Variants in RAD54L2 observed in about 807,000 individuals in gnomAD.
RAD54L2 encodes the protein helicase ARIP4.
In RAD54L2, 27 loss-of-function variants were observed where a neutral mutation model predicts 138.4. The ratio of observed to expected loss-of-function variants is 0.20; its 90% CI spans 0.14 to 0.27. RAD54L2 has a LOEUF of 0.27. Ranked by LOEUF, RAD54L2 falls within the 10% of genes least tolerant of loss-of-function variation. RAD54L2 has a pLI of 1.00. For missense variants in RAD54L2, 1,396 were observed against 1,890.2 expected (o/e 0.74, Z 4.85); for synonymous variants, 644 against 723.2 (o/e 0.89, Z 1.76).
chr3:51,644,467 G>C (rs1410088400), intron 16 of RAD54L2, among the ~76,000 whole-genome samples: 1 of 152,048 alleles, frequency 6.6e-6, no homozygotes, highest in Non-Finnish European at 1.5e-5. Context: ...ACAAACAAAT[G>C]AACAACAACA....
chr3:51,638,423 T>G lies in RAD54L2; in HGVS notation c.1860+102T>G. On this transcript the variant is annotated intron_variant, in intron 12 of 22. Transcript: ENST00000684192. The surrounding 1 kb of genome is among the most constrained non-coding windows in gnomAD (Gnocchi z 4.3). ...AGTCTTCAATAAAGGGAGAATAAAG[T>G]GAGAGGGGGCCACCTCAGTTCACTG... 2.1e-6 allele frequency: 3 copies of G among 1,401,064 alleles called. No individual in the cohort carries two copies. The highest frequency in any genetic ancestry group is 2.9e-6 in the Non-Finnish European group (3 of 1,018,846). 86.8% of individuals were successfully genotyped at this position (1,401,064 alleles called of 1,614,324 possible).
chr3:51,561,930 G>A (rs188087339), intron 2 of RAD54L2, among the ~76,000 whole-genome samples: 24 of 151,778 alleles, frequency 1.6e-4, no homozygotes, highest in Admixed American at 7.2e-4. Context: ...GTGCAGTGGC[G>A]CAATTGTGGC....
intron 3 of RAD54L2, among the ~76,000 whole-genome samples, chr3:51,597,131 C>T (rs1699977374): frequency 1.4e-5 from 2 of 144,750 alleles, no homozygotes; most frequent in South Asian, 4.4e-4. Flanking sequence ...CGCTATTGCA[C>T]TCCAGCCTGG....
chr3:51,626,436 CTTTTTT>C (rs768354274), intron 3 of RAD54L2, among the ~76,000 whole-genome samples: 25 of 39,392 alleles, frequency 6.3e-4, no homozygotes, highest in Admixed American at 1.5e-3. Context: ...CCCCAACGAT[CTTTTTT>C]TTTTTTTTTT....
At position 51,656,059 on chromosome 3, in the gene RAD54L2, C is replaced by T; in HGVS notation, c.3115C>T (p.Pro1039Ser). The change falls in exon 20 of 23, where the codon CCA becomes TCA. Residue 1039 changes from proline (P) to serine (S), a missense_variant. This residue lies in a region of RAD54L2 where 634 missense variants were observed against 711.2 expected (regional missense o/e 0.89). Transcript: ENST00000684192. ...TPIPMMPRHVPLGGSVSSASS... is the reference protein window; with the variant it reads ...TPIPMMPRHVSLGGSVSSASS... ...CATCCCCATGATGCCCCGGCATGTCCCATTGGGAGGAAGTGTAAGCTCTGC... is the reference window on the plus strand; with the variant it reads ...CATCCCCATGATGCCCCGGCATGTCTCATTGGGAGGAAGTGTAAGCTCTGC... 1 of 1,613,960 alleles carries T rather than the reference C, an allele frequency of 6.2e-7. No individual in the cohort carries two copies. The highest frequency in any genetic ancestry group is 8.5e-7 in the Non-Finnish European group (1 of 1,179,834).
Position 51,662,352 on chromosome 3 carries a change from A to G in RAD54L2, c.3410-74A>G. On this transcript the variant is annotated intron_variant, in intron 22 of 22. Transcript: ENST00000684192. The surrounding 1 kb of genome is among the most constrained non-coding windows in gnomAD (Gnocchi z 4.6). Reference sequence around the variant, plus strand: ...GGGACTACAGGACAGGATTTTTTTTAATGGAGTTTTCTCCTCTACCCTTCT... The same window carrying G: ...GGGACTACAGGACAGGATTTTTTTTGATGGAGTTTTCTCCTCTACCCTTCT... 7.4e-7 allele frequency: 1 copy of G among 1,355,612 alleles called. No individual in the cohort carries two copies. The highest frequency in any genetic ancestry group is 9.9e-7 in the Non-Finnish European group (1 of 1,013,434). 84.0% of individuals were successfully genotyped at this position (1,355,612 alleles called of 1,614,324 possible). A position where few individuals can be genotyped will look rare whatever the true frequency, so the allele number is the denominator to read the frequency against.
intron 19 of RAD54L2, among the ~76,000 whole-genome samples, chr3:51,651,930 T>C (rs1701449007): frequency 6.6e-6 from 1 of 152,244 alleles, no homozygotes; most frequent in Non-Finnish European, 1.5e-5. Flanking sequence ...TTGGAAGTTC[T>C]GGCCAGGGCA....
At position 51,645,755 on chromosome 3, in the gene RAD54L2, A is replaced by G. The variant is rs1701263189; in HGVS notation, c.2821A>G (p.Ile941Val). The change falls in exon 18 of 23, where the codon ATC becomes GTC. Residue 941 changes from isoleucine (I) to valine (V), a missense_variant. By Grantham distance (29) the Ile-to-Val change is conservative. Around this residue, in one of 7 missense-constraint regions of RAD54L2, gnomAD observed 634 missense variants for 711.2 expected, o/e 0.89. Coordinates refer to ENST00000684192, the MANE Select transcript of RAD54L2 (RefSeq NM_015106.4). The surrounding 1 kb of genome is among the most constrained non-coding windows in gnomAD (Gnocchi z 6.1). ...GGCCTGTCTGAAGTACCCTCACCTC[A>G]TCACCAAGGTAAGAACTTGGTATGC... ...QLACLKYPHL[I>V]TKEPFEHESL... is the part of the protein sequence containing the mutation. The G allele has an allele frequency of 1.2e-6, 2 of 1,608,838 alleles. No homozygotes were observed. Among genetic ancestry groups the G allele is most frequent in the African/African-American group, 1.3e-5 (1 of 74,708 alleles).
At chr3:51,556,846 G>A (rs907216107) in intron 2 of RAD54L2, among the ~76,000 whole-genome samples, 2 of 152,166 alleles carry the variant, frequency 1.3e-5, no homozygotes, top group Non-Finnish European at 2.9e-5. Flanking sequence ...AAAGTGCTGG[G>A]ATTACAGGCG....
chr3:51,554,859 T>C (rs1218751503), intron 2 of RAD54L2, among the ~76,000 whole-genome samples: 4 of 152,280 alleles, frequency 2.6e-5, no homozygotes, highest in South Asian at 2.1e-4. Context: ...TTCTTTTTTT[T>C]TGAGACAAGG....
chr3:51,650,753 A>G (rs1013545877), intron 19 of RAD54L2, among the ~76,000 whole-genome samples: 1 of 152,272 alleles, frequency 6.6e-6, no homozygotes, highest in African/African-American at 2.4e-5. Flanking sequence ...ACAAAGACAC[A>G]ACGTACCAGA....
chr3:51,650,243 A>G (rs1410781067), intron 19 of RAD54L2, among the ~76,000 whole-genome samples: 1 of 152,244 alleles, frequency 6.6e-6, no homozygotes, highest in Non-Finnish European at 1.5e-5. Context: ...TAACTATGCT[A>G]AATATATATG....
chr3:51,640,937 C>T (rs1701117741), intron 14 of RAD54L2, among the ~76,000 whole-genome samples: 1 of 152,156 alleles, frequency 6.6e-6, no homozygotes, highest in Non-Finnish European at 1.5e-5. Flanking sequence ...TGACTCTGCT[C>T]CCATTATACG....
chr3:51,610,248 C>T (rs1335965539), intron 3 of RAD54L2, among the ~76,000 whole-genome samples: 4 of 152,084 alleles, frequency 2.6e-5, no homozygotes, highest in African/African-American at 4.8e-5. Context: ...GTCACAATCC[C>T]CCGAGGCTAC....
At chr3:51,584,253 G>A (rs532454776) in intron 2 of RAD54L2, among the ~76,000 whole-genome samples, 1 of 152,310 alleles carries the variant, frequency 6.6e-6, no homozygotes, top group Non-Finnish European at 1.5e-5. Flanking sequence ...CTCCTGTGGA[G>A]AGAGTTGTCT....
At chr3:51,660,952 C>T (rs1215135127) in intron 22 of RAD54L2, among the ~76,000 whole-genome samples, 3 of 149,036 alleles carry the variant, frequency 2.0e-5, no homozygotes, top group Admixed American at 2.0e-4. Context: ...TCGCAGACAT[C>T]CATTGCTCCT....
intron 3 of RAD54L2, among the ~76,000 whole-genome samples, chr3:51,620,137 G>T (rs527610244): frequency 4.9e-4 from 75 of 151,808 alleles, no homozygotes; most frequent in Admixed American, 1.7e-3. Context: ...CTGTTGCCCA[G>T]ACTAGAGTGT....
intron 2 of RAD54L2, among the ~76,000 whole-genome samples, chr3:51,578,549 A>T: frequency 6.6e-6 from 1 of 152,200 alleles, no homozygotes; most frequent in East Asian, 1.9e-4. Flanking sequence ...TTGAAGCAGG[A>T]TATTTCCTTG....
At chr3:51,551,913 C>T (rs929617648) in intron 2 of RAD54L2, among the ~76,000 whole-genome samples, 5 of 151,760 alleles carry the variant, frequency 3.3e-5, no homozygotes, top group East Asian at 1.9e-4. Flanking sequence ...CCACCATGCC[C>T]GGCTAATTTT....
Sources: allele counts gnomAD v4.1 joint callset (sites outside exome capture counted in the v4.1 genomes callset), GRCh38; gene constraint gnomAD v4.1.1; regional missense constraint gnomAD v4.1.1; non-coding constraint Gnocchi (gnomAD v3.1); transcripts MANE v1.5; gene names NCBI Gene and HGNC (gene_info 2026-07-23, HGNC 2026-07-21).